Variants in MYT1L observed in about 807,000 individuals in gnomAD.
The protein encoded by MYT1L is myelin transcription factor 1 like, also known as myelin transcription factor 1-like protein.
In MYT1L, 12 loss-of-function variants were observed where a neutral mutation model predicts 126.7. The ratio of observed to expected loss-of-function variants is 0.09; its 90% CI spans 0.06 to 0.15. The LOEUF (loss-of-function observed/expected upper bound fraction) is 0.15. MYT1L is among the 10% of genes least tolerant of loss of function. MYT1L has a pLI of 1.00. For missense variants in MYT1L, 979 were observed against 1,585.2 expected (o/e 0.62, Z 6.49); for synonymous variants, 541 against 604.2 (o/e 0.90, Z 1.53).
At chr2:1,825,495 T>C (rs990083879) in intron 21 of MYT1L, 1 of 152,240 alleles carries the variant, frequency 6.6e-6, no homozygotes, top group Admixed American at 6.5e-5. Flanking sequence ...TTATGTTTAT[T>C]AGAAATTATT....
At chr2:2,104,531 C>T (rs1278570508) in intron 3 of MYT1L, among the ~76,000 whole-genome samples, 2 of 152,224 alleles carry the variant, frequency 1.3e-5, no homozygotes, top group Admixed American at 6.5e-5. Flanking sequence ...GAGAACGGCA[C>T]AAGGCGGTGG....
At chr2:1,961,705 T>C (rs1007989633) in intron 8 of MYT1L, among the ~76,000 whole-genome samples, 1 of 152,246 alleles carries the variant, frequency 6.6e-6, no homozygotes, top group Admixed American at 6.5e-5. Flanking sequence ...TTTTATACAA[T>C]GATCCAGACC....
chr2:2,092,244 A>T (rs2076978104), intron 3 of MYT1L, among the ~76,000 whole-genome samples: 1 of 152,064 alleles, frequency 6.6e-6, no homozygotes, highest in African/African-American at 2.4e-5. Flanking sequence ...AGGTCATTGC[A>T]GGGTTGTTCG....
rs569990564 is a variant in MYT1L, at chr2:1,840,974, G to A, written c.2775-131C>T. The A allele has an allele frequency of 3.9e-4, 246 of 627,422 alleles. 2 individuals carry two copies. The South Asian group carries it at 4.7e-3, about 12-fold the overall frequency. 38.9% of individuals were successfully genotyped at this position (627,422 alleles called of 1,614,324 possible). Reference sequence around the variant, plus strand: ...GCTGAAGTGCAGTGGTGTGATCTCGGCTCACTGCAAGCTCCGCCTCCCGGG... The same window carrying A: ...GCTGAAGTGCAGTGGTGTGATCTCGACTCACTGCAAGCTCCGCCTCCCGGG... On this transcript the variant is annotated intron_variant, in intron 19 of 24. Transcript: ENST00000647738.
At chr2:2,268,084 T>C (rs1335601385) in intron 2 of MYT1L, among the ~76,000 whole-genome samples, 1 of 152,186 alleles carries the variant, frequency 6.6e-6, no homozygotes, top group East Asian at 1.9e-4. Context: ...TAAGATAAGA[T>C]AGAGTTTAAA....
chr2:2,006,821 C>T (rs535662160), intron 4 of MYT1L, among the ~76,000 whole-genome samples: 1 of 152,106 alleles, frequency 6.6e-6, no homozygotes, highest in Admixed American at 6.5e-5. Flanking sequence ...AATGATCCAC[C>T]CCCTTCAGCC....
intron 21 of MYT1L, among the ~76,000 whole-genome samples, chr2:1,828,859 T>C (rs1388815502): frequency 6.6e-6 from 1 of 152,176 alleles, no homozygotes; most frequent in Non-Finnish European, 1.5e-5. Context: ...GGAAGGACTT[T>C]AAAAAAATGT....
intron 8 of MYT1L, among the ~76,000 whole-genome samples, chr2:1,970,086 G>A (rs933185174): frequency 2.0e-5 from 3 of 152,146 alleles, no homozygotes; most frequent in East Asian, 1.9e-4. Context: ...GGAAATTGGC[G>A]TTTCAGTCCT....
intron 2 of MYT1L, among the ~76,000 whole-genome samples, chr2:2,237,418 C>T (rs934934843): frequency 2.8e-4 from 43 of 152,158 alleles, no homozygotes; most frequent in African/African-American, 9.4e-4. Context: ...AATGTCTCCT[C>T]GCATCACTGT....
At chr2:2,110,581 T>A (rs939793157) in intron 3 of MYT1L, among the ~76,000 whole-genome samples, 2 of 136,716 alleles carry the variant, frequency 1.5e-5, no homozygotes, top group African/African-American at 5.3e-5. Flanking sequence ...CCTCTCTCCT[T>A]CTCTTCCTCC....
intron 4 of MYT1L, among the ~76,000 whole-genome samples, chr2:1,999,803 T>C (rs775025479): frequency 6.6e-6 from 1 of 152,204 alleles, no homozygotes; most frequent in African/African-American, 2.4e-5. Context: ...GGAATATTAG[T>C]AATAATACCC....
intron 8 of MYT1L, among the ~76,000 whole-genome samples, chr2:1,948,168 T>C (rs985816089): frequency 6.6e-6 from 1 of 152,234 alleles, no homozygotes; most frequent in Non-Finnish European, 1.5e-5. Context: ...CTTGAATTGG[T>C]TTTACTTTCC....
intron 2 of MYT1L, among the ~76,000 whole-genome samples, chr2:2,262,444 G>A (rs923869410): frequency 1.1e-4 from 17 of 151,888 alleles, no homozygotes; most frequent in Non-Finnish European, 2.4e-4. Context: ...TGTAATCCCA[G>A]CACTTTGGGA....
In MYT1L at chr2:1,799,020, GCTGGAGCTCATCATCCGACC is replaced by G. The variant is rs542792102; in HGVS notation, c.3276+2656_3276+2675del. Among the ~76,000 whole-genome samples the G allele has an allele frequency of 3.1e-3, 479 of 152,316 alleles. 5 individuals carry two copies. Among genetic ancestry groups the G allele is most frequent in the African/African-American group, 0.011 (459 of 41,574 alleles). On this transcript the variant is annotated intron_variant, in intron 23 of 24. Coordinates refer to ENST00000647738, the MANE Select transcript of MYT1L (RefSeq NM_001303052.2). ...CTGGTGCTCACAGAACAACTTCTGG[GCTGGAGCTCATCATCCGACC>G]CTGAGAGCTGCAGAGCTGGGGGACT...
intron 3 of MYT1L, among the ~76,000 whole-genome samples, chr2:2,146,925 C>A (rs1351376421): frequency 6.6e-6 from 1 of 152,124 alleles, no homozygotes; most frequent in Non-Finnish European, 1.5e-5. Context: ...TCCATTTGTT[C>A]CACAGAGCAG....
chr2:2,306,626 G>A (rs529297476), intron 1 of MYT1L, among the ~76,000 whole-genome samples: 1 of 152,248 alleles, frequency 6.6e-6, no homozygotes, highest in South Asian at 2.1e-4. Flanking sequence ...GTGATCACCA[G>A]TTTCAGAAGA....
chr2:2,041,290 T>C (rs573504447), intron 4 of MYT1L, among the ~76,000 whole-genome samples: 4 of 152,268 alleles, frequency 2.6e-5, no homozygotes, highest in African/African-American at 9.6e-5. Flanking sequence ...TCAAGGTCAA[T>C]TGCAAATCCA....
intron 4 of MYT1L, among the ~76,000 whole-genome samples, chr2:2,033,410 G>A (rs1393642986): frequency 8.9e-5 from 13 of 146,274 alleles, no homozygotes; most frequent in African/African-American, 3.3e-4. Context: ...CTCATCCTGT[G>A]GCCCAGAGCA....
intron 3 of MYT1L, among the ~76,000 whole-genome samples, chr2:2,144,310 G>A (rs1247174875): frequency 6.6e-6 from 1 of 152,096 alleles, no homozygotes; most frequent in East Asian, 1.9e-4. Context: ...CCTTCAGGAG[G>A]GAGAAGCTGC....
Sources: gnomAD v4.1 joint callset for allele counts (sites outside exome capture counted in the v4.1 genomes callset) on GRCh38, gnomAD v4.1.1 for gene constraint, MANE v1.5 for transcripts, NCBI Gene and HGNC (gene_info 2026-07-23, HGNC 2026-07-21) for gene names.